KIAA0825: variants seen among roughly 807,000 people sequenced by gnomAD.
The protein encoded by KIAA0825 is uncharacterized protein KIAA0825.
A neutral mutation model predicts 147.6 loss-of-function variants in KIAA0825; 119 were observed. That is an observed-to-expected ratio of 0.81 (90% confidence interval 0.69 to 0.94). The LOEUF is 0.94. KIAA0825 is among the 40% of genes least tolerant of loss of function. The pLI is 0.00. For missense variants in KIAA0825, 1,381 were observed against 1,472.7 expected (o/e 0.94, Z 1.02); for synonymous variants, 470 against 518.1 (o/e 0.91, Z 1.26).
chr5:94,212,415 A>G (rs1459214162), intron 20 of KIAA0825, among the ~76,000 whole-genome samples: 1 of 152,170 alleles, frequency 6.6e-6, no homozygotes, highest in Non-Finnish European at 1.5e-5. Flanking sequence ...CATTTAGGAG[A>G]CAACTTCATC....
chr5:94,175,254 C>T (rs1768980178), intron 20 of KIAA0825, among the ~76,000 whole-genome samples: 2 of 152,208 alleles, frequency 1.3e-5, no homozygotes, highest in African/African-American at 2.4e-5. Context: ...TAGGTTATTT[C>T]TTCAAACATC....
intron 1 of KIAA0825, among the ~76,000 whole-genome samples, chr5:94,610,231 C>A (rs138145490): frequency 0.012 from 1,813 of 150,962 alleles, 35 homozygotes; most frequent in African/African-American, 0.042. Flanking sequence ...ACCAGCCTGG[C>A]CAACATGGTG....
intron 20 of KIAA0825, among the ~76,000 whole-genome samples, chr5:94,274,924 G>A (rs1339418304): frequency 6.6e-6 from 1 of 152,062 alleles, no homozygotes; most frequent in Non-Finnish European, 1.5e-5. Context: ...ATAACAGAGG[G>A]GTGGAATACA....
chr5:94,294,717 C>T (rs1778059220), intron 20 of KIAA0825, among the ~76,000 whole-genome samples: 1 of 152,022 alleles, frequency 6.6e-6, no homozygotes, highest in Admixed American at 6.6e-5. Flanking sequence ...GACTATGTCT[C>T]AAAAAATAAA....
intron 20 of KIAA0825, among the ~76,000 whole-genome samples, 163 bp from the exon 21 acceptor site, chr5:94,154,287 GC>G (rs1368684242): frequency 6.6e-6 from 1 of 152,160 alleles, no homozygotes. Flanking sequence ...CATTGGCACT[GC>G]CCCCGCGGAG....
chr5:94,514,380 G>A (rs1766917879), intron 5 of KIAA0825, among the ~76,000 whole-genome samples: 1 of 152,070 alleles, frequency 6.6e-6, no homozygotes, highest in Non-Finnish European at 1.5e-5. Flanking sequence ...AAGAAGTGAT[G>A]TGGATTTGTA....
intron 20 of KIAA0825, among the ~76,000 whole-genome samples, chr5:94,283,458 G>C (rs1777545714): frequency 6.6e-6 from 1 of 151,898 alleles, no homozygotes; most frequent in Non-Finnish European, 1.5e-5. Context: ...AGATTCTTAA[G>C]GAATAATTAC....
chr5:94,236,480 T>C (rs966322059), intron 20 of KIAA0825, among the ~76,000 whole-genome samples: 3 of 152,184 alleles, frequency 2.0e-5, no homozygotes, highest in Admixed American at 2.0e-4. Flanking sequence ...AAATCTACTC[T>C]TGGTGAAGGT....
intron 18 of KIAA0825, among the ~76,000 whole-genome samples, chr5:94,389,589 C>T (rs907065406): frequency 6.6e-6 from 1 of 152,214 alleles, no homozygotes; most frequent in African/African-American, 2.4e-5. Flanking sequence ...CTCAGCTAGG[C>T]CTGTACCCAT....
chr5:94,616,094 G>A (rs944954562), intron 1 of KIAA0825, among the ~76,000 whole-genome samples: 6 of 151,924 alleles, frequency 3.9e-5, no homozygotes, highest in Admixed American at 1.3e-4. Context: ...TTGAGATGAC[G>A]AACAAAACAG....
intron 20 of KIAA0825, among the ~76,000 whole-genome samples, chr5:94,187,212 G>A (rs1770198965): frequency 6.6e-6 from 1 of 152,006 alleles, no homozygotes; most frequent in South Asian, 2.1e-4. Flanking sequence ...TGAGTAGGAA[G>A]AAGAAAAGGT....
chr5:94,321,905 T>C (rs1197322239), intron 20 of KIAA0825, among the ~76,000 whole-genome samples: 3 of 151,952 alleles, frequency 2.0e-5, no homozygotes, highest in Non-Finnish European at 2.9e-5. Context: ...TTACAAATTA[T>C]TGTGACATAA....
intron 14 of KIAA0825, among the ~76,000 whole-genome samples, chr5:94,426,919 C>T (rs1264374833): frequency 1.3e-5 from 2 of 152,040 alleles, no homozygotes; most frequent in African/African-American, 4.8e-5. Flanking sequence ...GTTAATCTGT[C>T]CTTTGTTATG....
At chr5:94,612,361 T>C (rs903976290) in intron 1 of KIAA0825, among the ~76,000 whole-genome samples, 1 of 152,198 alleles carries the variant, frequency 6.6e-6, no homozygotes, top group African/African-American at 2.4e-5. Flanking sequence ...CTCTAATACA[T>C]GACTTTGGCT....
intron 20 of KIAA0825, among the ~76,000 whole-genome samples, chr5:94,225,619 C>T (rs368618159): frequency 6.6e-6 from 1 of 152,284 alleles, no homozygotes; most frequent in African/African-American, 2.4e-5. Context: ...CAAAGAGATG[C>T]CAGCCATCTG....
intron 16 of KIAA0825, among the ~76,000 whole-genome samples, chr5:94,398,466 C>G (rs1456441469): frequency 2.0e-5 from 3 of 152,108 alleles, no homozygotes; most frequent in Non-Finnish European, 4.4e-5. Flanking sequence ...CAATGGAATG[C>G]CTTCTGTCTT....
intron 2 of KIAA0825, among the ~76,000 whole-genome samples, chr5:94,581,574 T>A (rs1782186156): frequency 6.6e-6 from 1 of 152,204 alleles, no homozygotes; most frequent in Admixed American, 6.5e-5. Flanking sequence ...TAAAAAACAG[T>A]TCTAATGTGA....
intron 6 of KIAA0825, among the ~76,000 whole-genome samples, chr5:94,477,962 A>G (rs747880199): frequency 6.6e-6 from 1 of 152,156 alleles, no homozygotes. Context: ...TGGCTTAGAC[A>G]TGGTGTATGA....
chr5:94,538,016 G>T (rs1772440592), intron 2 of KIAA0825, among the ~76,000 whole-genome samples: 1 of 152,128 alleles, frequency 6.6e-6, no homozygotes, highest in African/African-American at 2.4e-5. Context: ...CACCATCAAA[G>T]CTTTAATCAT....
Sources: allele counts gnomAD v4.1 joint callset (sites outside exome capture counted in the v4.1 genomes callset), GRCh38; gene constraint gnomAD v4.1.1; transcripts MANE v1.5; gene names NCBI Gene and HGNC (gene_info 2026-07-23, HGNC 2026-07-21).